ADNP: variants seen among roughly 807,000 people sequenced by gnomAD.
ADNP encodes activity dependent neuroprotector homeobox.
In ADNP, 4 loss-of-function variants were observed where a neutral mutation model predicts 84.9. The observed-to-expected ratio is 0.05, with a 90% CI of 0.02 to 0.11. The LOEUF is 0.11. Among genes scored for constraint, ADNP ranks in the 10% least tolerant of loss-of-function variants. ADNP has a pLI of 1.00. For missense variants in ADNP, 1,132 were observed against 1,326.0 expected, an observed-to-expected ratio of 0.85 and a Z score of 2.27; for synonymous variants, 554 against 468.1, an observed-to-expected ratio of 1.18 and a Z score of -2.37.
Position 50,889,316 on chromosome 20 carries a change from CAAAT to C in ADNP, c.*2085_*2088del, listed in dbSNP as rs1265482043. 1 of 152,174 alleles carries C rather than the reference CAAAT, an allele frequency of 6.6e-6. No individual in the cohort carries two copies. The highest frequency in any genetic ancestry group is 1.5e-5 in the Non-Finnish European group (1 of 68,032). 9.4% of individuals were successfully genotyped at this position (152,174 alleles called of 1,614,324 possible). A position where few individuals can be genotyped will look rare whatever the true frequency, so the allele number is the denominator to read the frequency against. On this transcript the variant is annotated 3_prime_UTR_variant, in exon 6 of 6. Transcript: ENST00000621696. Reference sequence around the variant, plus strand: ...CCTGTTAATCAGGGAGGGTAATTTCCAAATAAATGTGAGCTGGCCTAAATCCAGC... The same window carrying C: ...CCTGTTAATCAGGGAGGGTAATTTCCAAATGTGAGCTGGCCTAAATCCAGC...
At chr20:50,921,550 T>G (rs1983955814) in intron 2 of ADNP, among the ~76,000 whole-genome samples, 1 of 152,366 alleles carries the variant, frequency 6.6e-6, no homozygotes, top group South Asian at 2.1e-4. Flanking sequence ...TGCCCACAAC[T>G]GGAAAACTGC....
At chr20:50,900,912 A>C (rs543565100) in intron 5 of ADNP, among the ~76,000 whole-genome samples, 18 of 152,368 alleles carry the variant, frequency 1.2e-4, no homozygotes, top group Non-Finnish European at 4.4e-5. Context: ...AAAAGAGCTA[A>C]TGAAGTAATA....
intron 2 of ADNP, among the ~76,000 whole-genome samples, chr20:50,912,532 G>T (rs937571515): frequency 1.3e-5 from 2 of 152,086 alleles, no homozygotes; most frequent in African/African-American, 4.8e-5. Context: ...AAAACTAGAG[G>T]TGCTCAGGTT....
At position 50,919,298 on chromosome 20, in the gene ADNP, T is replaced by C. The variant is rs913809161; in HGVS notation, c.-90+9353A>G. On this transcript the variant is annotated intron_variant, in intron 2 of 5. Transcript: ENST00000621696. ...AAATACATATATTTAAGTGTATATA[T>C]ATATATATATATATATATGTAAAAA... 4.9e-4 allele frequency among the ~76,000 whole-genome samples: 66 copies of C among 133,830 alleles called. 4 individuals are homozygous for C. The highest frequency in any genetic ancestry group is 4.8e-3 in the East Asian group (23 of 4,834). The allele number at this position is 133,830 out of a possible 152,430, so 87.8% of individuals were successfully genotyped here.
At chr20:50,912,165 C>T (rs1983097216) in intron 2 of ADNP, among the ~76,000 whole-genome samples, 1 of 152,110 alleles carries the variant, frequency 6.6e-6, no homozygotes, top group South Asian at 2.1e-4. Flanking sequence ...ATTTTCAAAC[C>T]TTATTTTTTT....
intron 2 of ADNP, among the ~76,000 whole-genome samples, chr20:50,926,373 A>C (rs1198392522): frequency 1.3e-5 from 2 of 152,246 alleles, no homozygotes; most frequent in African/African-American, 2.4e-5. Context: ...GCTTATTTAC[A>C]CAACAGTCAT....
chr20:50,928,593 G>A (rs1022578318), intron 2 of ADNP, 58 bp downstream of exon 2: 2 of 152,168 alleles, frequency 1.3e-5, no homozygotes, highest in African/African-American at 4.8e-5. Context: ...CCAAGGAGAA[G>A]GAAGTCTCTG....
chr20:50,905,085 T>C (rs1333669364), intron 2 of ADNP: 1 of 152,196 alleles, frequency 6.6e-6, no homozygotes, highest in East Asian at 1.9e-4. Flanking sequence ...TCAAAAATTA[T>C]TTTAATGACC....
intron 2 of ADNP, among the ~76,000 whole-genome samples, chr20:50,916,995 G>T (rs1983559523): frequency 6.6e-6 from 1 of 152,200 alleles, no homozygotes; most frequent in Non-Finnish European, 1.5e-5. Flanking sequence ...CTCAATCACT[G>T]AAAGAACCTA....
intron 2 of ADNP, chr20:50,913,591 AGC>A (rs1568735242): frequency 5.9e-6 from 1 of 168,144 alleles, no homozygotes; most frequent in Non-Finnish European, 1.3e-5. Flanking sequence ...ACAGAATCAA[AGC>A]ATCAGTTAAC....
In ADNP at chr20:50,891,388, GC is replaced by G; in HGVS notation, c.*16del. 6.4e-7 allele frequency: 1 copy of G among 1,573,578 alleles called. No individual in the cohort carries two copies. The highest frequency in any genetic ancestry group is 1.2e-5 in the South Asian group (1 of 83,904). ...TTCCAGGCTGCAGCATGTCACCAACGCCAGGGAACCTGGCACTTAGGCCTGT... is the reference window on the plus strand; with the variant it reads ...TTCCAGGCTGCAGCATGTCACCAACGCAGGGAACCTGGCACTTAGGCCTGT... On this transcript the variant is annotated 3_prime_UTR_variant, in exon 6 of 6. Transcript: ENST00000621696.
At chr20:50,913,786 A>C in intron 2 of ADNP, 1 of 470,198 alleles carries the variant, frequency 2.1e-6, no homozygotes, top group African/African-American at 2.0e-5. Flanking sequence ...GGGAAGCTGG[A>C]GGAGGTGAAG....
At chr20:50,923,369 A>C (rs553866571) in intron 2 of ADNP, among the ~76,000 whole-genome samples, 9 of 152,272 alleles carry the variant, frequency 5.9e-5, no homozygotes, top group Admixed American at 1.3e-4. Flanking sequence ...CTATGTTCTC[A>C]AGTTTTTCGA....
chr20:50,919,288 AG>A (rs1373400868), intron 2 of ADNP, among the ~76,000 whole-genome samples: 12,649 of 89,208 alleles, frequency 0.14, 1,364 homozygotes, highest in African/African-American at 0.27. Flanking sequence ...CATATATTTA[AG>A]TGTATATATA....
intron 2 of ADNP, among the ~76,000 whole-genome samples, chr20:50,924,227 A>G (rs983511871): frequency 1.3e-5 from 2 of 152,202 alleles, no homozygotes; most frequent in African/African-American, 2.4e-5. Flanking sequence ...GAACATAAAC[A>G]ACGTTTCTTT....
chr20:50,919,964 T>C (rs1012232836), intron 2 of ADNP, among the ~76,000 whole-genome samples: 5 of 152,164 alleles, frequency 3.3e-5, no homozygotes, highest in Admixed American at 6.5e-5. Context: ...AGAAGGGACA[T>C]GATTCTAATG....
At chr20:50,913,293 T>C (rs1395613060) in intron 2 of ADNP, among the ~76,000 whole-genome samples, 2 of 100,570 alleles carry the variant, frequency 2.0e-5, no homozygotes, top group Non-Finnish European at 4.4e-5. Context: ...AAAAAAGGTA[T>C]CTGTATTTTC....
At chr20:50,925,375 A>C (rs952385017) in intron 2 of ADNP, among the ~76,000 whole-genome samples, 1 of 152,152 alleles carries the variant, frequency 6.6e-6, no homozygotes, top group Non-Finnish European at 1.5e-5. Flanking sequence ...GTGAAGCAGA[A>C]TATGAATTCT....
At chr20:50,894,577 TC>T (rs1359998190) in intron 5 of ADNP, 65 bp from the exon 6 acceptor site, 9 of 1,491,834 alleles carry the variant, frequency 6.0e-6, no homozygotes, top group African/African-American at 1.4e-5. Flanking sequence ...AGATTCCAGA[TC>T]CCCCCCGGAT....
Sources: gnomAD v4.1 joint callset for allele counts (sites outside exome capture counted in the v4.1 genomes callset) on GRCh38, gnomAD v4.1.1 for gene constraint, MANE v1.5 for transcripts, NCBI Gene and HGNC (gene_info 2026-07-23, HGNC 2026-07-21) for gene names.